CACNA1E: variants seen among roughly 807,000 people sequenced by gnomAD.
CACNA1E encodes the protein voltage-dependent R-type calcium channel subunit alpha-1E.
Under a neutral mutation model 259.2 loss-of-function variants are expected in CACNA1E, and 40 were observed. The observed-to-expected ratio is 0.15, with a 90% CI of 0.12 to 0.20. The LOEUF is 0.20. CACNA1E is among the 10% of genes least tolerant of loss of function. CACNA1E has a pLI of 1.00. For synonymous variants in CACNA1E, 1,104 were observed against 1,138.5 expected (o/e 0.97, Z 0.61); for missense variants, 1,874 against 3,040.1 (o/e 0.62, Z 9.02).
At chr1:181,494,854 A>C (rs560427704) in intron 1 of CACNA1E, among the ~76,000 whole-genome samples, 11 of 152,194 alleles carry the variant, frequency 7.2e-5, no homozygotes, top group Non-Finnish European at 1.6e-4. Flanking sequence ...ATATATTTAG[A>C]ATCAGGGACC....
At chr1:181,457,540 G>A (rs1661537939) in intron 2 of CACNA1E, among the ~76,000 whole-genome samples, 1 of 152,244 alleles carries the variant, frequency 6.6e-6, no homozygotes, top group African/African-American at 2.4e-5. Flanking sequence ...TACTATGACT[G>A]GTCTTACTTG....
intron 6 of CACNA1E, among the ~76,000 whole-genome samples, chr1:181,643,981 T>C (rs1358832070): frequency 6.6e-6 from 1 of 152,184 alleles, no homozygotes. Context: ...TGAAACGCCC[T>C]GCTCCTGGGC....
intron 18 of CACNA1E, 110 bp downstream of exon 18, chr1:181,726,272 G>A (rs954156762): frequency 2.1e-5 from 16 of 746,338 alleles, no homozygotes; most frequent in Middle Eastern, 2.3e-4. Flanking sequence ...GCTGGGAACT[G>A]TTCCTGAGAA....
intron 3 of CACNA1E, among the ~76,000 whole-genome samples, chr1:181,516,746 T>G (rs1666615366): frequency 6.6e-6 from 1 of 152,244 alleles, no homozygotes. Context: ...CATTGTATGT[T>G]AAAGTATTGG....
chr1:181,732,359 C>T lies in CACNA1E; in HGVS notation c.2298-25C>T, dbSNP rs1048418372. 4.9e-5 allele frequency: 72 copies of T among 1,482,912 alleles called. No homozygotes were observed. Among genetic ancestry groups the T allele is most frequent in the Non-Finnish European group, 6.1e-5 (68 of 1,116,222 alleles). 91.9% of individuals were successfully genotyped at this position (1,482,912 alleles called of 1,614,324 possible). ...GCCTGCAGCTTCTGGGCTCTGACCG[C>T]GGCCCTGCCCTTTCCCCTTGGCAGG... On this transcript the variant is annotated intron_variant, in intron 19 of 47. Coordinates refer to ENST00000367573, the MANE Select transcript of CACNA1E (RefSeq NM_001205293.3). The surrounding 1 kb of genome is among the most constrained non-coding windows in gnomAD (Gnocchi z 5.5).
intron 6 of CACNA1E, among the ~76,000 whole-genome samples, chr1:181,610,356 G>A (rs1423291601): frequency 1.3e-5 from 2 of 152,108 alleles, no homozygotes; most frequent in Non-Finnish European, 2.9e-5. Flanking sequence ...AAATATCTTG[G>A]GTAATTGGAT....
At chr1:181,652,333 C>T (rs1213857684) in intron 7 of CACNA1E, among the ~76,000 whole-genome samples, 1 of 152,118 alleles carries the variant, frequency 6.6e-6, no homozygotes, top group Non-Finnish European at 1.5e-5. Flanking sequence ...GAGTGGCATA[C>T]GTTCTTCAAA....
At chr1:181,771,218 T>C in intron 35 of CACNA1E, 75 bp from the exon 36 acceptor site, 1 of 810,888 alleles carries the variant, frequency 1.2e-6, no homozygotes, top group Non-Finnish European at 2.1e-6. Context: ...GCAAGTGGCT[T>C]TGCCAACCCT....
At chr1:181,511,101 G>A (rs989745943) in intron 2 of CACNA1E, among the ~76,000 whole-genome samples, 7 of 152,172 alleles carry the variant, frequency 4.6e-5, no homozygotes, top group African/African-American at 1.7e-4. Flanking sequence ...GCAAAGCCAG[G>A]GCCATCAGGG....
rs141058947 is a variant in CACNA1E, at chr1:181,785,055, G to A, written c.5579-263G>A. Among the ~76,000 whole-genome samples, 61 of 152,206 alleles carry A rather than the reference G, an allele frequency of 4.0e-4. No individual in the cohort carries two copies. In the East Asian group the frequency reaches 5.6e-3, roughly 14 times the overall value. On this transcript the variant is annotated intron_variant, in intron 41 of 47. Transcript: ENST00000367573. The stretch of plus-strand genomic sequence containing the variant: ...GCTATAGAGATTTAGAATGGTAGGC[G>A]TGATGCTTACTCATGTACTGCTTAT...
At chr1:181,427,361 A>G (rs1274806112) in intron 2 of CACNA1E, among the ~76,000 whole-genome samples, 1 of 135,400 alleles carries the variant, frequency 7.4e-6, no homozygotes. Flanking sequence ...CGCCATCTCA[A>G]CTCCTCCCCC....
intron 43 of CACNA1E, among the ~76,000 whole-genome samples, chr1:181,789,195 A>G (rs76701851): frequency 0.052 from 7,940 of 152,310 alleles, 258 homozygotes; most frequent in Middle Eastern, 0.11. Context: ...GCTGTGCTCA[A>G]TCTTGTTCCC....
At chr1:181,411,853 GCTCGC>G (rs764128891) in intron 1 of CACNA1E, among the ~76,000 whole-genome samples, 185 of 152,366 alleles carry the variant, frequency 1.2e-3, no homozygotes, top group Non-Finnish European at 2.2e-3. Flanking sequence ...CAAGTGATCT[GCTCGC>G]CTTGGTCTCC....
intron 1 of CACNA1E, among the ~76,000 whole-genome samples, chr1:181,389,921 G>T (rs1656136023): frequency 1.3e-5 from 2 of 152,264 alleles, no homozygotes; most frequent in South Asian, 4.1e-4. Context: ...GAAAATCAAT[G>T]AAGAGGCAGT....
intron 27 of CACNA1E, among the ~76,000 whole-genome samples, chr1:181,753,902 C>T (rs920076464): frequency 1.3e-5 from 2 of 152,168 alleles, no homozygotes; most frequent in African/African-American, 2.4e-5. Flanking sequence ...GGCCCTGGCC[C>T]ACCGCGTGGG....
intron 1 of CACNA1E, among the ~76,000 whole-genome samples, chr1:181,368,285 T>TAA (rs772565091): frequency 7.5e-5 from 10 of 133,186 alleles, no homozygotes; most frequent in African/African-American, 2.2e-4. Flanking sequence ...AGACTCTGTC[T>TAA]AAAAAAAAAA....
intron 2 of CACNA1E, among the ~76,000 whole-genome samples, chr1:181,441,771 G>C (rs1170985399): frequency 1.3e-5 from 2 of 152,212 alleles, no homozygotes; most frequent in East Asian, 3.9e-4. Context: ...GCAGCTGTAA[G>C]TGTGTTTGGG....
At position 181,803,672 on chromosome 1, in the gene CACNA1E, G is replaced by C. The variant is rs1662437609; in HGVS notation, c.*4838G>C. The C allele has an allele frequency of 6.6e-6, 1 of 152,278 alleles. No homozygotes were observed. The highest frequency in any genetic ancestry group is 1.5e-5 in the Non-Finnish European group (1 of 68,048). The allele number at this position is 152,278 out of a possible 1,614,324, so 9.4% of individuals were successfully genotyped here. ...AGAGTACATAGACATAGCGCTTTAA[G>C]GGACAAAGGACAAACAGAACTATCT... On this transcript the variant is annotated 3_prime_UTR_variant, in exon 48 of 48. Coordinates refer to ENST00000367573, the MANE Select transcript of CACNA1E (RefSeq NM_001205293.3).
At chr1:181,685,756 C>T (rs1443225416) in intron 7 of CACNA1E, among the ~76,000 whole-genome samples, 1 of 152,106 alleles carries the variant, frequency 6.6e-6, no homozygotes, top group Non-Finnish European at 1.5e-5. Flanking sequence ...TCTGGAAGAC[C>T]TTTTGGAATA....
Sources: gnomAD v4.1 joint callset for allele counts (sites outside exome capture counted in the v4.1 genomes callset) on GRCh38, gnomAD v4.1.1 for gene constraint, Gnocchi (gnomAD v3.1) non-coding constraint, MANE v1.5 for transcripts, NCBI Gene and HGNC (gene_info 2026-07-23, HGNC 2026-07-21) for gene names.